The following POSTN variants were observed in gnomAD, a reference collection of about 807,000 sequenced individuals.
The protein encoded by POSTN is periostin, also known as osteoblast specific factor 2 (fasciclin I-like).
In POSTN, 71 loss-of-function variants were observed where a neutral mutation model predicts 104.5. The ratio of observed to expected loss-of-function variants is 0.68; its 90% CI spans 0.56 to 0.83. The LOEUF (loss-of-function observed/expected upper bound fraction) is 0.83. Ranked by LOEUF, POSTN falls within the 40% of genes least tolerant of loss-of-function variation. The pLI is 0.00. For synonymous variants in POSTN, 355 were observed against 340.7 expected (o/e 1.04, Z -0.46); for missense variants, 949 against 1,006.8 (o/e 0.94, Z 0.78).
At chr13:37,571,481 A>G in intron 17 of POSTN, 23 bp from the exon 18 acceptor site, 1 of 1,517,312 alleles carries the variant, frequency 6.6e-7, no homozygotes, top group Non-Finnish European at 9.1e-7. Flanking sequence ...TTTAGGAGAC[A>G]AATTATCATG....
chr13:37,591,226 G>A (rs1034369636), intron 3 of POSTN, among the ~76,000 whole-genome samples: 3 of 152,022 alleles, frequency 2.0e-5, no homozygotes, highest in African/African-American at 4.8e-5. Context: ...ATTTAACAAG[G>A]TTCCATGTAA....
chr13:37,569,199 T>G, intron 21 of POSTN, 101 bp downstream of exon 21: 1 of 755,852 alleles, frequency 1.3e-6, no homozygotes, highest in Non-Finnish European at 2.2e-6. Context: ...TTTTTTTTTT[T>G]TAACCCAATT....
chr13:37,593,714 G>A (rs2138391998), intron 2 of POSTN, among the ~76,000 whole-genome samples: 1 of 151,358 alleles, frequency 6.6e-6, no homozygotes, highest in South Asian at 2.1e-4. Context: ...CCAAGTATAA[G>A]AATAAAATCT....
Position 37,597,239 on chromosome 13 carries a change from TC to T in POSTN, c.162del (p.Lys55AsnfsTer30). 2 of 1,587,922 alleles carry T rather than the reference TC, an allele frequency of 1.3e-6. No homozygotes were observed. The highest frequency in any genetic ancestry group is 1.7e-6 in the Non-Finnish European group (2 of 1,170,638). Reference protein sequence around the residue: ...CALQQILGTKKKYFSTCKNWY... With the variant: ...CALQQILGTKXKYFSTCKNWY... The stretch of plus-strand genomic sequence containing the variant: ...CAGTTCTTACAAGTGCTGAAGTATT[TC>T]TTTTTGGTGCCCAAAATCTGTTGAA... On this transcript the variant is annotated frameshift_variant, in exon 2 of 23. Coordinates refer to ENST00000379747, the MANE Select transcript of POSTN (RefSeq NM_006475.3). LOFTEE classifies it high-confidence loss of function.
In POSTN at chr13:37,586,706, T is replaced by G. The variant is rs575658012; in HGVS notation, c.753+76A>C. The G allele has an allele frequency of 7.7e-6, 11 of 1,436,574 alleles. No homozygotes were observed. In the African/African-American group the frequency reaches 1.2e-4, roughly 15 times the overall value. The allele number at this position is 1,436,574 out of a possible 1,614,324, so 89.0% of individuals were successfully genotyped here. ...TACATTTTTGCCAGATTTAATAGCA[T>G]TTTTATTGTTTTTAGATTTTGACAG... On this transcript the variant is annotated intron_variant, in intron 6 of 22. Coordinates refer to ENST00000379747, the MANE Select transcript of POSTN (RefSeq NM_006475.3).
chr13:37,588,705 G>A lies in POSTN; in HGVS notation c.442-719C>T, dbSNP rs569136069. Among the ~76,000 whole-genome samples, 3 of 152,210 alleles carry A rather than the reference G, an allele frequency of 2.0e-5. No individual in the cohort carries two copies. The South Asian group carries it at 6.2e-4, about 32-fold the overall frequency. On this transcript the variant is annotated intron_variant, in intron 4 of 22. Coordinates refer to ENST00000379747, the MANE Select transcript of POSTN (RefSeq NM_006475.3). ...TGCTGAGATAGGGTGAATGCCAAGA[G>A]AGCAAAAGTTGTCCAGTTTGGTTAA... is the stretch of plus-strand genomic sequence containing the variant.
chr13:37,564,451 ATTG>A, intron 22 of POSTN, 65 bp downstream of exon 22: 1 of 827,998 alleles, frequency 1.2e-6, no homozygotes, highest in Non-Finnish European at 1.9e-6. Context: ...AATCTTTCCT[ATTG>A]TTTGATTTCT....
In POSTN at chr13:37,569,798, T is replaced by A. The variant is rs1218377049; in HGVS notation, c.2293A>T (p.Ile765Phe). The stretch of plus-strand genomic sequence containing the variant: ...TCTGTTTCTCCACCTCCAGTAGAAA[T>A]CCTAGTGTATTTTATTTCAGGACCT... ...ITGPEIKYTR[I>F]STGGGETEET... is the part of the protein sequence containing the mutation. Residue 765 changes from isoleucine to phenylalanine, a missense_variant, in exon 20 of 23, where the codon ATT becomes TTT. Physicochemically the swap from Ile to Phe is conservative, Grantham distance 21. Transcript: ENST00000379747. 2 of 1,604,614 alleles carry A rather than the reference T, an allele frequency of 1.2e-6. No homozygotes were observed. Among genetic ancestry groups the A allele is most frequent in the East Asian group, 2.2e-5 (1 of 44,760 alleles).
intron 18 of POSTN, 78 bp from the exon 19 acceptor site, chr13:37,570,747 G>T (rs1481387048): frequency 3.4e-6 from 3 of 873,188 alleles, no homozygotes; most frequent in Admixed American, 4.0e-5. Context: ...ACATTGTAAT[G>T]ATTAACTATA....
intron 20 of POSTN, 114 bp from the exon 21 acceptor site, chr13:37,569,497 G>A (rs555702246): frequency 4.4e-6 from 4 of 917,632 alleles, no homozygotes; most frequent in East Asian, 4.9e-5. Context: ...CCCAACACTC[G>A]ATTCTTTCAC....
At chr13:37,566,977 C>T (rs1238981326) in intron 21 of POSTN, among the ~76,000 whole-genome samples, 2 of 151,784 alleles carry the variant, frequency 1.3e-5, no homozygotes, top group Admixed American at 6.6e-5. Flanking sequence ...TGGCTCACGC[C>T]TGTAATCCCA....
intron 22 of POSTN, among the ~76,000 whole-genome samples, 173 bp from the exon 23 acceptor site, chr13:37,563,543 A>G (rs537152061): frequency 6.6e-6 from 1 of 152,198 alleles, no homozygotes; most frequent in South Asian, 2.1e-4. Context: ...TATTTTGATC[A>G]AAAGTATATA....
chr13:37,564,548 C>T lies in POSTN; in HGVS notation c.2444G>A (p.Arg815Lys). Residue 815 changes from arginine to lysine, a missense_variant, in exon 22 of 23, where the codon AGG becomes AAG. By Grantham distance (26) the Arg-to-Lys change is conservative (BLOSUM62 2). Coordinates refer to ENST00000379747, the MANE Select transcript of POSTN (RefSeq NM_006475.3). ...AACTTTTTTGTTGGCTTGCAACTTCCTCACGGGTGTGTCTAAAATTAAATT... is the reference window on the plus strand; with the variant it reads ...AACTTTTTTGTTGGCTTGCAACTTCTTCACGGGTGTGTCTAAAATTAAATT... ...KRLLQGDTPV[R>K]KLQANKKVQG... is the part of the protein sequence containing the mutation. 6.2e-7 allele frequency: 1 copy of T among 1,600,082 alleles called. No individual in the cohort carries two copies. The highest frequency in any genetic ancestry group is 1.1e-5 in the South Asian group (1 of 89,804).
intron 7 of POSTN, 141 bp from the exon 8 acceptor site, chr13:37,585,069 A>G (rs1214864369): frequency 1.4e-6 from 2 of 1,392,042 alleles, no homozygotes; most frequent in African/African-American, 1.5e-5. Flanking sequence ...TTAAAATCCT[A>G]TTTATGTTCT....
At chr13:37,598,545 C>T (rs887501892) in intron 1 of POSTN, 63 bp downstream of exon 1, 8 of 1,499,754 alleles carry the variant, frequency 5.3e-6, no homozygotes, top group Non-Finnish European at 7.3e-6. Flanking sequence ...TTTATGCATA[C>T]TTGAACATCT....
At position 37,590,470 on chromosome 13, in the gene POSTN, G is replaced by A. The variant is rs1442280400; in HGVS notation, c.343C>T (p.Arg115Cys). 10 of 1,613,056 alleles carry A rather than the reference G, an allele frequency of 6.2e-6. No individual in the cohort carries two copies. Among genetic ancestry groups the A allele is most frequent in the Admixed American group, 1.7e-5 (1 of 59,956 alleles). Residue 115 changes from arginine to cysteine, a missense_variant, in exon 4 of 23, where the codon CGC becomes TGC. Physicochemically the swap from Arg to Cys is radical, Grantham distance 180 (BLOSUM62 -3). Coordinates refer to ENST00000379747, the MANE Select transcript of POSTN (RefSeq NM_006475.3). Reference sequence around the variant, plus strand: ...CTCAGTTTTGAGGCGTCAGAATAGCGCTGCGTTGTGGTGGCTCCCACGATG... The same window carrying A: ...CTCAGTTTTGAGGCGTCAGAATAGCACTGCGTTGTGGTGGCTCCCACGATG... ...LGIVGATTTQ[R>C]YSDASKLREE...
At chr13:37,584,614 ATACTG>A in intron 8 of POSTN, 97 bp downstream of exon 8, 1 of 952,652 alleles carries the variant, frequency 1.0e-6, no homozygotes, top group Non-Finnish European at 1.6e-6. Context: ...GCCATTCTTT[ATACTG>A]CACATTCATT....
At position 37,563,057 on chromosome 13, in the gene POSTN, G is replaced by A. The variant is rs1240031010; in HGVS notation, c.*276C>T. The stretch of plus-strand genomic sequence containing the variant: ...TGGTGACAAGGATTTTTCTCTAATG[G>A]ATTCCAAAGTTAGCCAGAACTTTTA... On this transcript the variant is annotated 3_prime_UTR_variant, in exon 23 of 23. Transcript: ENST00000379747. The A allele has an allele frequency of 1.2e-5, 3 of 252,460 alleles. No homozygotes were observed. The highest frequency in any genetic ancestry group is 2.3e-5 in the Non-Finnish European group (3 of 133,080). 15.6% of individuals were successfully genotyped at this position (252,460 alleles called of 1,614,324 possible). A position where few individuals can be genotyped will look rare whatever the true frequency, so the allele number is the denominator to read the frequency against.
chr13:37,588,666 T>A (rs552060631), intron 4 of POSTN, among the ~76,000 whole-genome samples: 2 of 152,288 alleles, frequency 1.3e-5, no homozygotes, highest in African/African-American at 2.4e-5. Flanking sequence ...GGTGTGGTGG[T>A]CTTTTAAATC....
Sources: allele counts gnomAD v4.1 joint callset (sites outside exome capture counted in the v4.1 genomes callset), GRCh38; gene constraint gnomAD v4.1.1; transcripts MANE v1.5; gene names NCBI Gene and HGNC (gene_info 2026-07-23, HGNC 2026-07-21).